CDK17: variants seen among roughly 807,000 people sequenced by gnomAD.
CDK17 encodes the protein cyclin-dependent kinase 17.
Under a neutral mutation model 77.6 loss-of-function variants are expected in CDK17, and 24 were observed. The observed-to-expected ratio is 0.31, with a 90% CI of 0.22 to 0.44. CDK17 has a LOEUF of 0.44. Among genes scored for constraint, CDK17 ranks in the 20% least tolerant of loss-of-function variants. The pLI is 1.00. For missense variants in CDK17, 429 were observed against 622.5 expected (o/e 0.69, Z 3.31); for synonymous variants, 203 against 210.4 (o/e 0.96, Z 0.30).
At chr12:96,397,381 T>C (rs935999310) in intron 1 of CDK17, among the ~76,000 whole-genome samples, 1 of 152,188 alleles carries the variant, frequency 6.6e-6, no homozygotes, top group African/African-American at 2.4e-5. Flanking sequence ...TCCAATTTCA[T>C]GTTTCCTTAC....
rs930144094 is a variant in CDK17, at chr12:96,290,025, T to TA, written c.998-739dup. 6.2e-3 allele frequency among the ~76,000 whole-genome samples: 918 copies of TA among 148,532 alleles called. 18 individuals are homozygous for TA. The highest frequency in any genetic ancestry group is 0.02 in the African/African-American group (800 of 40,668). On this transcript the variant is annotated intron_variant, in intron 10 of 16. Transcript: ENST00000261211. ...TAACACTAACAACAGCCATGACCTTTAAAAAAAAAAATCGCAAAAAAATCT... is the reference window on the plus strand; with the variant it reads ...TAACACTAACAACAGCCATGACCTTTAAAAAAAAAAAATCGCAAAAAAATCT...
intron 3 of CDK17, among the ~76,000 whole-genome samples, chr12:96,320,889 T>C (rs1952806274): frequency 2.7e-5 from 1 of 36,434 alleles, no homozygotes; most frequent in Admixed American, 3.0e-4. Flanking sequence ...ATTCAGGACA[T>C]AGGCATGGGC....
intron 2 of CDK17, among the ~76,000 whole-genome samples, chr12:96,331,181 G>A (rs1247777988): frequency 6.6e-6 from 1 of 152,194 alleles, no homozygotes; most frequent in Non-Finnish European, 1.5e-5. Flanking sequence ...TACCTCCAGT[G>A]ATCTGCCCAC....
At chr12:96,345,823 C>T (rs1251374409) in intron 1 of CDK17, among the ~76,000 whole-genome samples, 1 of 151,716 alleles carries the variant, frequency 6.6e-6, no homozygotes, top group African/African-American at 2.4e-5. Context: ...GAATGGTATG[C>T]TATTTTAAAA....
At chr12:96,282,187 C>G (rs189486675) in intron 15 of CDK17, 1 of 211,534 alleles carries the variant, frequency 4.7e-6, no homozygotes, top group African/African-American at 2.3e-5. Flanking sequence ...CTTTTAACAA[C>G]GCTAAATCGA....
chr12:96,386,569 G>T (rs1300290886), intron 1 of CDK17, among the ~76,000 whole-genome samples: 2 of 152,002 alleles, frequency 1.3e-5, no homozygotes, highest in Non-Finnish European at 2.9e-5. Flanking sequence ...TAAGTGGGAG[G>T]ATCTCTCGAG....
chr12:96,370,496 C>G (rs1388569802), intron 1 of CDK17, among the ~76,000 whole-genome samples: 4 of 152,156 alleles, frequency 2.6e-5, no homozygotes, highest in Non-Finnish European at 5.9e-5. Context: ...AGAGCAAGAT[C>G]AAAAGTAGGA....
chr12:96,310,676 G>A (rs10745752), intron 5 of CDK17, among the ~76,000 whole-genome samples: 128,878 of 150,766 alleles, frequency 0.85, 55,132 homozygotes, highest in African/African-American at 0.87. Context: ...ACATTTCAAA[G>A]GTTCGTTGAG....
chr12:96,327,051 A>G (rs1401161368), intron 2 of CDK17, among the ~76,000 whole-genome samples: 1 of 152,232 alleles, frequency 6.6e-6, no homozygotes. Context: ...ATCTATTGTC[A>G]TGATGAAACA....
chr12:96,318,927 G>T (rs1952771987), intron 3 of CDK17, among the ~76,000 whole-genome samples: 1 of 130,150 alleles, frequency 7.7e-6, no homozygotes, highest in Non-Finnish European at 1.6e-5. Context: ...AAAGCTAGCA[G>T]AAGGCAAGAA....
intron 1 of CDK17, among the ~76,000 whole-genome samples, chr12:96,390,980 G>A (rs1318365396): frequency 2.7e-5 from 4 of 150,558 alleles, no homozygotes; most frequent in Non-Finnish European, 5.9e-5. Context: ...CCAGCTACTC[G>A]GGAGGCTGAG....
At chr12:96,283,299 T>C (rs939200782) in intron 14 of CDK17, among the ~76,000 whole-genome samples, 9 of 152,134 alleles carry the variant, frequency 5.9e-5, no homozygotes, top group African/African-American at 1.9e-4. Context: ...CTCCAAAGGC[T>C]GTACGTATAA....
At chr12:96,382,363 A>C (rs1036237965) in intron 1 of CDK17, among the ~76,000 whole-genome samples, 2 of 151,662 alleles carry the variant, frequency 1.3e-5, no homozygotes, top group African/African-American at 4.8e-5. Flanking sequence ...AATTAAAAAA[A>C]AAAAAAAAAA....
intron 9 of CDK17, among the ~76,000 whole-genome samples, chr12:96,296,948 T>C (rs577407056): frequency 1.6e-4 from 24 of 152,304 alleles, no homozygotes; most frequent in African/African-American, 4.8e-4. Context: ...TTTCACAGAA[T>C]GCACCCATCA....
chr12:96,337,446 G>T (rs1036844637), intron 1 of CDK17, among the ~76,000 whole-genome samples: 4 of 152,084 alleles, frequency 2.6e-5, no homozygotes, highest in African/African-American at 4.8e-5. Context: ...CCTTCAAAAT[G>T]ATTTTTTCCC....
At chr12:96,308,229 T>TAAAAAAAAAAAAAAAAAAAAA (rs61572243) in intron 5 of CDK17, among the ~76,000 whole-genome samples, 6 of 63,766 alleles carry the variant, frequency 9.4e-5, no homozygotes, top group Non-Finnish European at 1.9e-4. Flanking sequence ...ATGCCATCTC[T>TAAAAAAAAAAAAAAAAAAAAA]AAAAAAAAAA....
At chr12:96,371,320 A>G (rs934736732) in intron 1 of CDK17, among the ~76,000 whole-genome samples, 1 of 152,212 alleles carries the variant, frequency 6.6e-6, no homozygotes, top group Non-Finnish European at 1.5e-5. Context: ...ACATGGTGAC[A>G]TATCATGACC....
chr12:96,325,707 C>G (rs1014121849), intron 2 of CDK17, among the ~76,000 whole-genome samples: 2 of 152,192 alleles, frequency 1.3e-5, no homozygotes, highest in Non-Finnish European at 2.9e-5. Context: ...TTCCTGTGAT[C>G]TGTACATTCC....
chr12:96,390,701 T>G (rs535510786), intron 1 of CDK17, among the ~76,000 whole-genome samples: 165 of 100,086 alleles, frequency 1.6e-3, no homozygotes, highest in African/African-American at 6.3e-3. Flanking sequence ...GGGGTGAGAC[T>G]CCATCTCAAA....
Sources: gnomAD v4.1 joint callset for allele counts (sites outside exome capture counted in the v4.1 genomes callset) on GRCh38, gnomAD v4.1.1 for gene constraint, MANE v1.5 for transcripts, NCBI Gene and HGNC (gene_info 2026-07-23, HGNC 2026-07-21) for gene names.